Variants in ZDHHC11B observed in about 807,000 individuals in gnomAD.
The protein encoded by ZDHHC11B is probable palmitoyltransferase ZDHHC11B.
ZDHHC11B carries 17 observed loss-of-function variants against 42.3 expected under a neutral mutation model. That is an observed-to-expected ratio of 0.40 (90% CI 0.27 to 0.60). The LOEUF (loss-of-function observed/expected upper bound fraction) is 0.60. Ranked by LOEUF, ZDHHC11B falls within the 20% of genes least tolerant of loss-of-function variation. The pLI is 0.41. For missense variants in ZDHHC11B, 262 were observed against 463.2 expected, an observed-to-expected ratio of 0.57 and a Z score of 3.99; for synonymous variants, 123 against 193.5, an observed-to-expected ratio of 0.64 and a Z score of 3.02.
chr5:750,096 G>A lies in ZDHHC11B; in HGVS notation c.628+1037C>T, dbSNP rs1417093927. On this transcript the variant is annotated intron_variant, in intron 7 of 13. Transcript: ENST00000508859. ...GCAAGTCCTCCCTGTCTCACCACCCGGGCTGTGTGCAGTGCGGGTGCAGCC... is the reference window on the plus strand; with the variant it reads ...GCAAGTCCTCCCTGTCTCACCACCCAGGCTGTGTGCAGTGCGGGTGCAGCC... Among the ~76,000 whole-genome samples the A allele has an allele frequency of 7.5e-5, 8 of 106,084 alleles. 1 individual carries two copies. The highest frequency in any genetic ancestry group is 7.1e-4 in the East Asian group (2 of 2,830). 69.6% of individuals were successfully genotyped at this position (106,084 alleles called of 152,430 possible).
rs549587225 is a variant in ZDHHC11B at position 751,050 on chromosome 5, C to G, written c.628+83G>C. The G allele has an allele frequency of 2.0e-3, 1,618 of 824,076 alleles. 102 individuals carry two copies. The African/African-American group carries it at 0.028, about 14-fold the overall frequency. 51.0% of individuals were successfully genotyped at this position (824,076 alleles called of 1,614,324 possible). A position where few individuals can be genotyped will look rare whatever the true frequency, so the allele number is the denominator to read the frequency against. ...CGGCCTCTCCCTGGGACAAGAGGGG[C>G]CGACCACCCCAGACCCGATACTACC... On this transcript the variant is annotated intron_variant, in intron 7 of 13. Coordinates refer to ENST00000508859, the MANE Select transcript of ZDHHC11B (RefSeq NM_001351303.2).
chr5:744,736 T>G (rs1744554364), intron 9 of ZDHHC11B, among the ~76,000 whole-genome samples: 1 of 149,300 alleles, frequency 6.7e-6, no homozygotes, highest in African/African-American at 2.5e-5. Flanking sequence ...TGGGGCGTAG[T>G]GGCATACATC....
intron 4 of ZDHHC11B, among the ~76,000 whole-genome samples, chr5:758,317 G>T (rs1734130327): frequency 6.6e-6 from 1 of 151,884 alleles, no homozygotes; most frequent in African/African-American, 2.4e-5. Flanking sequence ...GCCAGGCAGG[G>T]CCTCTGCACG....
Position 766,714 on chromosome 5 carries a change from T to C in ZDHHC11B, c.206A>G (p.Lys69Arg). 2 of 1,610,258 alleles carry C rather than the reference T, an allele frequency of 1.2e-6. No individual in the cohort carries two copies. The highest frequency in any genetic ancestry group is 1.7e-6 in the Non-Finnish European group (2 of 1,178,026). ...AAAGGATACCACATAGGCGATGTAT[T>C]TCCACGAGTGAGGCAGGAGGGGAAT... ...IFIPLLPHSW[K>R]YIAYVVTGGI... Residue 69 changes from lysine to arginine, a missense_variant, in exon 4 of 14, where the codon AAA (lysine) becomes AGA (arginine). By Grantham distance (26) the Lys-to-Arg change is conservative (BLOSUM62 2). Transcript: ENST00000508859.
intron 6 of ZDHHC11B, among the ~76,000 whole-genome samples, chr5:754,221 G>T (rs10063854): frequency 2.9e-5 from 1 of 34,380 alleles, no homozygotes; most frequent in African/African-American, 1.1e-4. Flanking sequence ...GGGGAAACAC[G>T]TCTCATCTAT....
chr5:776,306 C>T lies in ZDHHC11B; in HGVS notation c.-229-7376G>A, dbSNP rs537534007. Among the ~76,000 whole-genome samples, 16 of 151,994 alleles carry T rather than the reference C, an allele frequency of 1.1e-4. No homozygotes were observed. In the South Asian group the frequency reaches 1.9e-3, roughly 18 times the overall value. On this transcript the variant is annotated intron_variant, in intron 1 of 13. Coordinates refer to ENST00000508859, the MANE Select transcript of ZDHHC11B (RefSeq NM_001351303.2). ...ACGGCCACAGGTCCCACCTTGGCACCGAAGCCCTGGGATGGCCCCTCTGCA... is the reference window on the plus strand; with the variant it reads ...ACGGCCACAGGTCCCACCTTGGCACTGAAGCCCTGGGATGGCCCCTCTGCA...
At chr5:780,565 T>G (rs1255616015) in intron 1 of ZDHHC11B, among the ~76,000 whole-genome samples, 1 of 139,440 alleles carries the variant, frequency 7.2e-6, no homozygotes, top group Non-Finnish European at 1.5e-5. Flanking sequence ...GAATTGCAGC[T>G]TCGACGGGAA....
intron 13 of ZDHHC11B, among the ~76,000 whole-genome samples, chr5:712,664 C>T (rs566036712): frequency 6.6e-6 from 1 of 150,722 alleles, no homozygotes; most frequent in African/African-American, 2.4e-5. Context: ...AATCCCAGCA[C>T]TTTGGGAGTC....
At position 716,464 on chromosome 5, in the gene ZDHHC11B, T is replaced by C. The variant is rs1405981641; in HGVS notation, c.*7+337A>G. Among the ~76,000 whole-genome samples, 3 of 151,886 alleles carry C rather than the reference T, an allele frequency of 2.0e-5. No homozygotes were observed. In the East Asian group the frequency reaches 5.8e-4, roughly 29 times the overall value. The stretch of plus-strand genomic sequence containing the variant: ...GAAACCATCTTAAAATGGCAGGTGT[T>C]CATTATTTAAAGTTCTTAGATCAGT... On this transcript the variant is annotated intron_variant, in intron 13 of 13. Coordinates refer to ENST00000508859, the MANE Select transcript of ZDHHC11B (RefSeq NM_001351303.2).
intron 4 of ZDHHC11B, among the ~76,000 whole-genome samples, chr5:757,729 GGA>G (rs1258039388): frequency 1.3e-5 from 2 of 151,876 alleles, no homozygotes; most frequent in Non-Finnish European, 2.9e-5. Context: ...GAGCTGGGGA[GGA>G]GACTCTGTGT....
intron 11 of ZDHHC11B, among the ~76,000 whole-genome samples, chr5:731,800 T>C (rs1345492627): frequency 2.6e-5 from 4 of 151,872 alleles, no homozygotes; most frequent in African/African-American, 4.8e-5. Flanking sequence ...TCTAGGATTT[T>C]TGTAGGAATG....
At chr5:729,289 C>T (rs200894945) in intron 12 of ZDHHC11B, among the ~76,000 whole-genome samples, 2 of 140,366 alleles carry the variant, frequency 1.4e-5, no homozygotes, top group Non-Finnish European at 3.1e-5. Context: ...CCTGGTTTGG[C>T]CATCTGGCCC....
At chr5:717,486 C>A (rs528032512) in intron 12 of ZDHHC11B, among the ~76,000 whole-genome samples, 1 of 151,680 alleles carries the variant, frequency 6.6e-6, no homozygotes, top group South Asian at 2.1e-4. Flanking sequence ...CAGAAACGCG[C>A]AAAATTTTGC....
rs1013950280 is a variant in ZDHHC11B at position 778,036 on chromosome 5, C to G, written c.-230+6632G>C. On this transcript the variant is annotated intron_variant, in intron 1 of 13. Transcript: ENST00000508859. ...GGCGGGCTGGCAGTGCTGGGGGACC[C>G]GGCGCACCTCCGCAGCCACCGTAGG... Among the ~76,000 whole-genome samples the G allele has an allele frequency of 1.3e-5, 2 of 152,006 alleles. 1 individual carries two copies. Among genetic ancestry groups the G allele is most frequent in the Admixed American group, 1.3e-4 (2 of 15,264 alleles).
chr5:714,799 T>C (rs1266318682), intron 13 of ZDHHC11B, among the ~76,000 whole-genome samples: 21 of 148,060 alleles, frequency 1.4e-4, no homozygotes, highest in Admixed American at 1.3e-3. Flanking sequence ...TGATCTCCAT[T>C]GTTGGAGATG....
chr5:714,754 G>C (rs59705581), intron 13 of ZDHHC11B, among the ~76,000 whole-genome samples: 16,386 of 121,354 alleles, frequency 0.14, 448 homozygotes, highest in African/African-American at 0.37. Flanking sequence ...GCTGTGGTTT[G>C]GACATCTGAC....
chr5:759,366 C>T (rs1272128335), intron 4 of ZDHHC11B, among the ~76,000 whole-genome samples: 4 of 151,906 alleles, frequency 2.6e-5, no homozygotes, highest in Non-Finnish European at 4.4e-5. Context: ...GGGCCCGGTG[C>T]GGTCACGTCT....
rs180712098 is a variant in ZDHHC11B at position 784,020 on chromosome 5, C to T, written c.-230+648G>A. Among the ~76,000 whole-genome samples, 1,288 of 151,322 alleles carry T rather than the reference C, an allele frequency of 8.5e-3. 30 individuals carry two copies. Among genetic ancestry groups the T allele is most frequent in the African/African-American group, 0.029 (1,193 of 41,110 alleles). On this transcript the variant is annotated intron_variant, in intron 1 of 13. Transcript: ENST00000508859. ...TCCTCGGGCGCTGCTCCCAGGGGTG[C>T]GGGAAGGTGTCCCGGCAGCGCCTCT...
intron 11 of ZDHHC11B, chr5:732,599 C>G (rs1472377994): frequency 2.2e-6 from 1 of 446,334 alleles, no homozygotes; most frequent in Non-Finnish European, 4.5e-6. Context: ...GTTGGGTGAT[C>G]CATTTTCATT....
Sources: gnomAD v4.1 joint callset for allele counts (sites outside exome capture counted in the v4.1 genomes callset) on GRCh38, gnomAD v4.1.1 for gene constraint, MANE v1.5 for transcripts, NCBI Gene and HGNC (gene_info 2026-07-23, HGNC 2026-07-21) for gene names.